Variants in ITGBL1 observed in about 807,000 individuals in gnomAD.
ITGBL1 encodes the protein integrin beta-like protein 1.
A neutral mutation model predicts 68.5 loss-of-function variants in ITGBL1; 51 were observed. The ratio of observed to expected loss-of-function variants is 0.74; its 90% CI spans 0.59 to 0.94. The LOEUF (loss-of-function observed/expected upper bound fraction) is 0.94, where lower values mean the gene tolerates loss of function less well. ITGBL1 is among the 40% of genes least tolerant of loss of function. ITGBL1 has a pLI of 0.00. For synonymous variants in ITGBL1, 209 were observed against 227.3 expected, an observed-to-expected ratio of 0.92 and a Z score of 0.72; for missense variants, 649 against 647.4, an observed-to-expected ratio of 1.00 and a Z score of -0.03.
intron 2 of ITGBL1, among the ~76,000 whole-genome samples, chr13:101,546,734 A>T (rs926082786): frequency 3.3e-5 from 5 of 152,106 alleles, no homozygotes; most frequent in Non-Finnish European, 7.4e-5. Flanking sequence ...AGCAACTTTT[A>T]TCTAGCAAGC....
intron 2 of ITGBL1, among the ~76,000 whole-genome samples, chr13:101,462,828 C>T (rs970216766): frequency 2.0e-5 from 3 of 152,208 alleles, no homozygotes; most frequent in African/African-American, 7.2e-5. Flanking sequence ...GGTGATCCAC[C>T]TGCCTTGGCC....
intron 7 of ITGBL1, among the ~76,000 whole-genome samples, chr13:101,650,620 C>CTTTTTTTTTTT (rs55874443): frequency 7.3e-6 from 1 of 137,414 alleles, no homozygotes. Context: ...TCTTTTTTTT[C>CTTTTTTTTTTT]TTTTTTTTTT....
At chr13:101,683,966 C>T (rs2033699146) in intron 7 of ITGBL1, among the ~76,000 whole-genome samples, 1 of 151,922 alleles carries the variant, frequency 6.6e-6, no homozygotes, top group African/African-American at 2.4e-5. Context: ...GGATATGAGA[C>T]AGTTGTCAGA....
intron 7 of ITGBL1, among the ~76,000 whole-genome samples, chr13:101,683,912 G>A (rs997051237): frequency 6.6e-6 from 1 of 151,900 alleles, no homozygotes; most frequent in African/African-American, 2.4e-5. Context: ...TTAATGGATT[G>A]TATGTATTTG....
At chr13:101,597,114 T>G (rs1353205261) in intron 6 of ITGBL1, among the ~76,000 whole-genome samples, 1 of 152,186 alleles carries the variant, frequency 6.6e-6, no homozygotes, top group East Asian at 1.9e-4. Flanking sequence ...TTACAGCAAG[T>G]GTACTTCTCT....
Position 101,650,620 on chromosome 13 carries a change from C to CTTTT in ITGBL1, c.1016-41953_1016-41950dup, listed in dbSNP as rs55874443. ...GCTGGCCAGGTGACTTCTTTTTTTT[C>CTTTT]TTTTTTTTTTTTTTTAGTCAACTTT... On this transcript the variant is annotated intron_variant, in intron 7 of 10. Transcript: ENST00000376180. Among the ~76,000 whole-genome samples, 144 of 137,414 alleles carry CTTTT rather than the reference C, an allele frequency of 1.0e-3. 1 individual carries two copies. Among genetic ancestry groups the CTTTT allele is most frequent in the African/African-American group, 3.7e-3 (137 of 37,134 alleles). The allele number at this position is 137,414 out of a possible 152,430, so 90.1% of individuals were successfully genotyped here.
intron 7 of ITGBL1, among the ~76,000 whole-genome samples, chr13:101,639,705 A>T (rs1445321024): frequency 2.0e-5 from 3 of 152,008 alleles, no homozygotes; most frequent in Admixed American, 2.0e-4. Context: ...CCAATTACAA[A>T]CCATGTTTCA....
chr13:101,720,457 A>G (rs1347435912), downstream of ITGBL1: 2 of 152,118 alleles, frequency 1.3e-5, no homozygotes, highest in Non-Finnish European at 2.9e-5. Context: ...AAACCAATAA[A>G]CAGACTTGCA....
intron 7 of ITGBL1, among the ~76,000 whole-genome samples, chr13:101,644,789 CAAAT>C (rs1037187091): frequency 1.3e-4 from 20 of 151,688 alleles, no homozygotes; most frequent in African/African-American, 4.6e-4. Flanking sequence ...AAGCAATTGA[CAAAT>C]AAAGGAATAA....
At chr13:101,577,373 C>T (rs1289033571) in intron 4 of ITGBL1, among the ~76,000 whole-genome samples, 6 of 152,170 alleles carry the variant, frequency 3.9e-5, no homozygotes, top group Non-Finnish European at 7.4e-5. Flanking sequence ...CTAAAGCACA[C>T]ATTTTAATCT....
At chr13:101,612,318 T>C (rs1031815335) in intron 7 of ITGBL1, among the ~76,000 whole-genome samples, 4 of 152,196 alleles carry the variant, frequency 2.6e-5, no homozygotes, top group African/African-American at 9.7e-5. Context: ...AAGTCCTTTA[T>C]AAAGATGTGA....
intron 2 of ITGBL1, among the ~76,000 whole-genome samples, chr13:101,503,695 G>C (rs998988491): frequency 6.6e-6 from 1 of 152,202 alleles, no homozygotes; most frequent in South Asian, 2.1e-4. Context: ...TTGTGTGGAG[G>C]GGTTAGTCCC....
chr13:101,512,315 C>T (rs917711521), intron 2 of ITGBL1, among the ~76,000 whole-genome samples: 1 of 152,044 alleles, frequency 6.6e-6, no homozygotes, highest in African/African-American at 2.4e-5. Context: ...CGTGCTTCTC[C>T]TCAGGCCACT....
At chr13:101,579,209 T>A in intron 4 of ITGBL1, 78 bp from the exon 5 acceptor site, 1 of 1,506,244 alleles carries the variant, frequency 6.6e-7, no homozygotes, top group Non-Finnish European at 9.1e-7. Flanking sequence ...GCAAAAATGA[T>A]CACAAAGAGA....
downstream of ITGBL1, chr13:101,718,678 T>TATC (rs2034812750): frequency 6.6e-6 from 1 of 151,982 alleles, no homozygotes; most frequent in Non-Finnish European, 1.5e-5. Context: ...TCCTTGAGTT[T>TATC]ATCTGGATTC....
At chr13:101,590,382 G>T (rs755805813) in intron 6 of ITGBL1, among the ~76,000 whole-genome samples, 8 of 151,988 alleles carry the variant, frequency 5.3e-5, no homozygotes, top group Non-Finnish European at 7.4e-5. Context: ...TATCCCCAAG[G>T]TTTCTATTTT....
intron 2 of ITGBL1, among the ~76,000 whole-genome samples, chr13:101,463,184 C>T (rs1331520197): frequency 6.6e-6 from 1 of 152,106 alleles, no homozygotes; most frequent in African/African-American, 2.4e-5. Flanking sequence ...ATTCCTGGTC[C>T]TAAGATATTT....
intron 2 of ITGBL1, among the ~76,000 whole-genome samples, chr13:101,519,898 A>T (rs1008288343): frequency 6.6e-6 from 1 of 152,172 alleles, no homozygotes; most frequent in Non-Finnish European, 1.5e-5. Context: ...TCAGTGTCTC[A>T]TGTGGTAAAA....
intron 2 of ITGBL1, among the ~76,000 whole-genome samples, chr13:101,539,539 T>A (rs1273264793): frequency 6.6e-6 from 1 of 152,080 alleles, no homozygotes; most frequent in Non-Finnish European, 1.5e-5. Context: ...TATAGCAGGA[T>A]GATTTATAGT....
Sources: gnomAD v4.1 joint callset for allele counts (sites outside exome capture counted in the v4.1 genomes callset) on GRCh38, gnomAD v4.1.1 for gene constraint, MANE v1.5 for transcripts, NCBI Gene and HGNC (gene_info 2026-07-23, HGNC 2026-07-21) for gene names.